The following WARS1 variants were observed in gnomAD, a reference collection of about 807,000 sequenced individuals.
WARS1 encodes tryptophan--tRNA ligase, cytoplasmic.
WARS1 carries 17 observed loss-of-function variants against 47.8 expected under a neutral mutation model. The observed-to-expected ratio is 0.36, with a 90% CI of 0.24 to 0.53. WARS1 has a LOEUF of 0.53. Among genes scored for constraint, WARS1 ranks in the 20% least tolerant of loss-of-function variants. The pLI, the probability that WARS1 is intolerant of heterozygous loss-of-function variation, is 0.91. For synonymous variants in WARS1, 208 were observed against 228.1 expected, an observed-to-expected ratio of 0.91 and a Z score of 0.79; for missense variants, 434 against 608.0, an observed-to-expected ratio of 0.71 and a Z score of 3.01.
intron 1 of WARS1, among the ~76,000 whole-genome samples, chr14:100,369,899 G>A (rs1896239018): frequency 1.3e-5 from 1 of 76,166 alleles, no homozygotes; most frequent in Non-Finnish European, 3.3e-5. Flanking sequence ...TCTGACCTCA[G>A]GTGATCCTCT....
At chr14:100,370,059 G>A (rs1043902525) in intron 1 of WARS1, among the ~76,000 whole-genome samples, 4 of 152,158 alleles carry the variant, frequency 2.6e-5, no homozygotes, top group Middle Eastern at 3.2e-3. Context: ...TTCCACTGCT[G>A]GTCAGCTGCT....
At chr14:100,369,837 T>C (rs1276248969) in intron 1 of WARS1, among the ~76,000 whole-genome samples, 1 of 151,998 alleles carries the variant, frequency 6.6e-6, no homozygotes, top group Admixed American at 6.6e-5. Flanking sequence ...CGAATTTTTG[T>C]ATTTTTAGTA....
chr14:100,347,987 A>G (rs953598652), intron 6 of WARS1, among the ~76,000 whole-genome samples: 1 of 152,134 alleles, frequency 6.6e-6, no homozygotes, highest in African/African-American at 2.4e-5. Context: ...GGTGTCTTTT[A>G]AGTGTTTGCA....
chr14:100,356,220 A>G (rs1895303113), intron 4 of WARS1, among the ~76,000 whole-genome samples: 1 of 152,224 alleles, frequency 6.6e-6, no homozygotes. Flanking sequence ...GAATGGGCAA[A>G]TGACTCAGGT....
intron 4 of WARS1, 113 bp from the exon 5 acceptor site, chr14:100,354,679 A>G (rs751923344): frequency 2.2e-5 from 28 of 1,259,196 alleles, no homozygotes; most frequent in Non-Finnish European, 3.0e-5. Flanking sequence ...ATGGATAATA[A>G]CTAGAATTTG....
intron 6 of WARS1, among the ~76,000 whole-genome samples, chr14:100,349,403 T>C (rs544068468): frequency 6.6e-6 from 1 of 152,286 alleles, no homozygotes; most frequent in African/African-American, 2.4e-5. Flanking sequence ...GTCTGGCATA[T>C]AGCAGATGTC....
chr14:100,368,617 A>T (rs1418527349), intron 2 of WARS1, among the ~76,000 whole-genome samples: 1 of 152,190 alleles, frequency 6.6e-6, no homozygotes, highest in Middle Eastern at 3.2e-3. Context: ...AGAACCCCTG[A>T]CTCTTTAGAC....
At chr14:100,356,405 G>GGA (rs1895325409) in intron 4 of WARS1, among the ~76,000 whole-genome samples, 1 of 149,246 alleles carries the variant, frequency 6.7e-6, no homozygotes, top group Admixed American at 6.7e-5. Context: ...GTGTGGGGGG[G>GGA]GGTGTGGAAT....
chr14:100,340,122 C>G (rs1332262794), intron 9 of WARS1: 2 of 152,248 alleles, frequency 1.3e-5, no homozygotes, highest in East Asian at 3.8e-4. Flanking sequence ...CAGGGATTGG[C>G]AGGACCAGGC....
intron 1 of WARS1, among the ~76,000 whole-genome samples, chr14:100,369,609 CA>C (rs986416852): frequency 2.0e-5 from 3 of 152,088 alleles, no homozygotes; most frequent in Admixed American, 2.0e-4. Context: ...CCTGTTTGCT[CA>C]GGGTATAAAT....
intron 5 of WARS1, 56 bp from the exon 6 acceptor site, chr14:100,353,925 C>T: frequency 1.3e-6 from 2 of 1,511,760 alleles, no homozygotes; most frequent in Non-Finnish European, 1.8e-6. Context: ...GGAGGAACGC[C>T]ATCGTGCATC....
At chr14:100,366,935 G>A (rs988601173) in intron 2 of WARS1, 55 of 1,594,980 alleles carry the variant, frequency 3.4e-5, no homozygotes, top group Non-Finnish European at 4.5e-5. Context: ...ATAATACCTG[G>A]AAGTATCATA....
At chr14:100,365,124 T>TAC (rs59205319) in intron 2 of WARS1, among the ~76,000 whole-genome samples, 51,770 of 137,578 alleles carry the variant, frequency 0.38, 10,602 homozygotes, top group South Asian at 0.51. Context: ...TCTCAAAAAA[T>TAC]ACACACACAC....
intron 1 of WARS1, among the ~76,000 whole-genome samples, chr14:100,369,900 G>A (rs1394670113): frequency 1.3e-5 from 1 of 75,752 alleles, no homozygotes; most frequent in African/African-American, 3.3e-5. Context: ...CTGACCTCAG[G>A]TGATCCTCTC....
At chr14:100,339,609 A>AAAAG (rs59256359) in intron 9 of WARS1, among the ~76,000 whole-genome samples, 1 of 149,144 alleles carries the variant, frequency 6.7e-6, no homozygotes. Context: ...AAAAAAAAAA[A>AAAAG]GGAAAAAAAA....
intron 5 of WARS1, chr14:100,354,240 T>C: frequency 1.6e-6 from 1 of 634,120 alleles, no homozygotes; most frequent in South Asian, 2.4e-5. Flanking sequence ...CCTGGCTGAC[T>C]CCAAAGCTGC....
intron 6 of WARS1, among the ~76,000 whole-genome samples, chr14:100,350,093 T>C (rs1894869553): frequency 6.6e-6 from 1 of 152,266 alleles, no homozygotes; most frequent in South Asian, 2.1e-4. Context: ...CTTTACCCCA[T>C]GTTTGTAAGA....
chr14:100,363,680 A>C (rs1326510138), intron 2 of WARS1, among the ~76,000 whole-genome samples: 2 of 152,078 alleles, frequency 1.3e-5, no homozygotes, highest in South Asian at 4.1e-4. Context: ...CTGGGTGATG[A>C]AGTGAGATCC....
At chr14:100,350,825 G>A (rs1019891260) in intron 6 of WARS1, among the ~76,000 whole-genome samples, 1 of 152,176 alleles carries the variant, frequency 6.6e-6, no homozygotes, top group African/African-American at 2.4e-5. Flanking sequence ...CCTGATGGAG[G>A]ACCAGAGAGG....
Sources: gnomAD v4.1 joint callset for allele counts (sites outside exome capture counted in the v4.1 genomes callset) on GRCh38, gnomAD v4.1.1 for gene constraint, MANE v1.5 for transcripts, NCBI Gene and HGNC (gene_info 2026-07-23, HGNC 2026-07-21) for gene names.